FAR2: variants seen among roughly 807,000 people sequenced by gnomAD.
The protein encoded by FAR2 is fatty acyl-CoA reductase 2.
A neutral mutation model predicts 56.0 loss-of-function variants in FAR2; 19 were observed. That is an observed-to-expected ratio of 0.34 (90% CI 0.24 to 0.50). The LOEUF is 0.50. Among genes scored for constraint, FAR2 ranks in the 20% least tolerant of loss-of-function variants. The pLI, the probability that FAR2 is intolerant of heterozygous loss-of-function variation, is 0.98. For synonymous variants in FAR2, 219 were observed against 218.8 expected, an observed-to-expected ratio of 1.00 and a Z score of -0.01; for missense variants, 508 against 642.2, an observed-to-expected ratio of 0.79 and a Z score of 2.26.
rs191316038 is a variant in FAR2, at chr12:29,202,487, A to C, written c.-39+53080A>C. The stretch of plus-strand genomic sequence containing the variant: ...TAGAGTCATTTATTTCCTTGCTATT[A>C]AAAAACAAGTCTGACAGGCACTAGC... On this transcript the variant is annotated intron_variant, in intron 1 of 11. Transcript: ENST00000536681. Among the ~76,000 whole-genome samples the C allele has an allele frequency of 2.6e-5, 4 of 152,276 alleles. No individual in the cohort carries two copies. In the East Asian group the frequency reaches 7.7e-4, roughly 29 times the overall value.
intron 10 of FAR2, among the ~76,000 whole-genome samples, chr12:29,328,466 G>T (rs1189179939): frequency 6.6e-6 from 1 of 152,080 alleles, no homozygotes; most frequent in Non-Finnish European, 1.5e-5. Flanking sequence ...TGTGGCACTA[G>T]TCACAATGGC....
intron 1 of FAR2, among the ~76,000 whole-genome samples, chr12:29,234,300 T>G (rs188970932): frequency 6.6e-6 from 1 of 152,146 alleles, no homozygotes; most frequent in Admixed American, 6.6e-5. Context: ...GCAGACCCGA[T>G]AGTTCTCTTT....
Position 29,198,063 on chromosome 12 carries a change from G to A in FAR2, c.-39+48656G>A, listed in dbSNP as rs531479125. On this transcript the variant is annotated intron_variant, in intron 1 of 11. Transcript: ENST00000536681. The stretch of plus-strand genomic sequence containing the variant: ...TTGCTGCCTCTTTATTTATAGCTGC[G>A]AACAGCTGTGTACTTTCAAAATAAC... Among the ~76,000 whole-genome samples the A allele has an allele frequency of 1.9e-4, 29 of 152,050 alleles. No homozygotes were observed. The Middle Eastern group carries it at 0.027, about 143-fold the overall frequency.
chr12:29,298,036 CAAAAA>C (rs71042980), intron 4 of FAR2, among the ~76,000 whole-genome samples: 45,558 of 123,516 alleles, frequency 0.37, 7,293 homozygotes, highest in East Asian at 0.41. Flanking sequence ...AACTCCGTCT[CAAAAA>C]AAAAAAAAAA....
At chr12:29,197,146 A>G (rs1950150623) in intron 1 of FAR2, among the ~76,000 whole-genome samples, 1 of 152,204 alleles carries the variant, frequency 6.6e-6, no homozygotes, top group South Asian at 2.1e-4. Flanking sequence ...ATGCTATTCA[A>G]TACTAACTTT....
intron 1 of FAR2, among the ~76,000 whole-genome samples, chr12:29,224,705 CT>C (rs1460392185): frequency 6.6e-6 from 1 of 152,128 alleles, no homozygotes; most frequent in Non-Finnish European, 1.5e-5. Context: ...CATCTGGCTT[CT>C]CTATGGGACA....
chr12:29,191,451 C>T (rs1950102218), intron 1 of FAR2, among the ~76,000 whole-genome samples: 1 of 152,238 alleles, frequency 6.6e-6, no homozygotes, highest in South Asian at 2.1e-4. Context: ...TGGCTGAAGA[C>T]ATCACCATTG....
chr12:29,301,055 G>A (rs940563349), intron 4 of FAR2, among the ~76,000 whole-genome samples: 1 of 152,150 alleles, frequency 6.6e-6, no homozygotes, highest in African/African-American at 2.4e-5. Context: ...CATCCTGTAT[G>A]CTGAGACTGT....
At chr12:29,253,256 TATCTAGATAGATATCTATATATCG>T (rs148523668) in intron 1 of FAR2, among the ~76,000 whole-genome samples, 5,171 of 118,310 alleles carry the variant, frequency 0.044, 280 homozygotes, top group East Asian at 0.11. Context: ...TATCGATATC[TATCTAGATAGATATCTATATATCG>T]ATATCTATAT....
intron 1 of FAR2, among the ~76,000 whole-genome samples, chr12:29,205,834 T>C (rs541752540): frequency 1.3e-5 from 1 of 76,520 alleles, no homozygotes; most frequent in East Asian, 3.3e-4. Context: ...CTTATTCTTG[T>C]TTTTGCTTTT....
At chr12:29,197,614 A>G (rs1036537875) in intron 1 of FAR2, among the ~76,000 whole-genome samples, 15 of 152,366 alleles carry the variant, frequency 9.8e-5, no homozygotes, top group African/African-American at 3.4e-4. Context: ...GATACAAATG[A>G]AGCAAAATAT....
At chr12:29,291,626 A>G (rs538180716) in intron 2 of FAR2, 20 of 348,836 alleles carry the variant, frequency 5.7e-5, no homozygotes, top group African/African-American at 4.3e-4. Context: ...ATGGGATAGG[A>G]CCCAGGAATA....
intron 1 of FAR2, among the ~76,000 whole-genome samples, chr12:29,220,318 T>G (rs796969918): frequency 4.6e-5 from 7 of 152,290 alleles, no homozygotes; most frequent in African/African-American, 1.7e-4. Flanking sequence ...CAAGACTTAG[T>G]CTAGTTTCTT....
rs935758110 is a variant in FAR2, at chr12:29,230,739, G to A, written c.-38-39673G>A. 2.6e-5 allele frequency among the ~76,000 whole-genome samples: 4 copies of A among 152,190 alleles called. No individual in the cohort carries two copies. The East Asian group carries it at 7.8e-4, about 30-fold the overall frequency. On this transcript the variant is annotated intron_variant, in intron 1 of 11. Transcript: ENST00000536681. ...CCAAAGGAATGGAAATTGAGTGTGA[G>A]AAAAAGAGAGTCAAGGGTGGCCTCA...
intron 1 of FAR2, among the ~76,000 whole-genome samples, chr12:29,265,053 C>T (rs1180008398): frequency 1.3e-5 from 2 of 152,124 alleles, no homozygotes; most frequent in African/African-American, 2.4e-5. Flanking sequence ...AAAGATATTC[C>T]ATGTTCATGT....
At chr12:29,150,000 G>C (rs1447775620) in intron 1 of FAR2, among the ~76,000 whole-genome samples, 1 of 152,170 alleles carries the variant, frequency 6.6e-6, no homozygotes, top group Non-Finnish European at 1.5e-5. Context: ...CGCCGGGGTC[G>C]TGGCTGACGC....
intron 10 of FAR2, among the ~76,000 whole-genome samples, chr12:29,324,198 A>G (rs1054301560): frequency 1.3e-5 from 2 of 152,192 alleles, no homozygotes; most frequent in African/African-American, 2.4e-5. Flanking sequence ...AGTTTAGAGA[A>G]AAAAGAATAA....
At chr12:29,173,437 G>A (rs1420243840) in intron 1 of FAR2, among the ~76,000 whole-genome samples, 1 of 152,138 alleles carries the variant, frequency 6.6e-6, no homozygotes, top group African/African-American at 2.4e-5. Context: ...TTGCATAGTT[G>A]TGGATTCTCC....
At chr12:29,256,590 C>A (rs896507777) in intron 1 of FAR2, among the ~76,000 whole-genome samples, 1 of 152,224 alleles carries the variant, frequency 6.6e-6, no homozygotes, top group Non-Finnish European at 1.5e-5. Flanking sequence ...GAGCCCCTTT[C>A]TGGGCTGGCC....
Sources: gnomAD v4.1 joint callset for allele counts (sites outside exome capture counted in the v4.1 genomes callset) on GRCh38, gnomAD v4.1.1 for gene constraint, MANE v1.5 for transcripts, NCBI Gene and HGNC (gene_info 2026-07-23, HGNC 2026-07-21) for gene names.